The following LEPR variants were observed in gnomAD, a reference collection of about 807,000 sequenced individuals.
LEPR encodes leptin receptor.
Under a neutral mutation model 114.7 loss-of-function variants are expected in LEPR, and 56 were observed. The observed-to-expected ratio is 0.49, with a 90% CI of 0.39 to 0.61. The LOEUF (loss-of-function observed/expected upper bound fraction) is 0.61. LEPR is among the 20% of genes least tolerant of loss of function. LEPR has a pLI of 0.00. For missense variants in LEPR, 1,202 were observed against 1,352.9 expected (o/e 0.89, Z 1.75); for synonymous variants, 443 against 461.4 (o/e 0.96, Z 0.51).
At chr1:65,434,835 TCTC>T in intron 2 of LEPR, 2 of 985,408 alleles carry the variant, frequency 2.0e-6, no homozygotes, top group East Asian at 2.3e-4. Flanking sequence ...CACCCACCCT[TCTC>T]CTCCCATTAG....
At chr1:65,625,969 T>C (rs1012696768) in intron 19 of LEPR, among the ~76,000 whole-genome samples, 1 of 150,352 alleles carries the variant, frequency 6.7e-6, no homozygotes, top group African/African-American at 2.4e-5. Context: ...AAAAAGAGGC[T>C]GAAACACTCT....
intron 8 of LEPR, 39 bp downstream of exon 8, chr1:65,598,843 A>G: frequency 6.2e-7 from 1 of 1,612,336 alleles, no homozygotes; most frequent in South Asian, 1.1e-5. Flanking sequence ...GGAGGGAAAT[A>G]TATTTCCTGA....
At chr1:65,619,380 A>T (rs1657736187) in intron 16 of LEPR, among the ~76,000 whole-genome samples, 2 of 152,046 alleles carry the variant, frequency 1.3e-5, no homozygotes, top group African/African-American at 4.8e-5. Context: ...ATCCATCTGG[A>T]GCTTTGCTAT....
At chr1:65,572,026 G>A (rs954420047) in intron 4 of LEPR, among the ~76,000 whole-genome samples, 2 of 149,780 alleles carry the variant, frequency 1.3e-5, no homozygotes, top group Admixed American at 6.7e-5. Flanking sequence ...AGCTAGGTGA[G>A]TTTTGAGCTC....
intron 2 of LEPR, among the ~76,000 whole-genome samples, chr1:65,555,504 A>G (rs1318798110): frequency 6.6e-6 from 1 of 152,204 alleles, no homozygotes; most frequent in Non-Finnish European, 1.5e-5. Context: ...AGCACATATT[A>G]TTAAACTGTT....
chr1:65,451,211 C>T (rs919852367), intron 2 of LEPR, among the ~76,000 whole-genome samples: 27 of 151,974 alleles, frequency 1.8e-4, no homozygotes, highest in African/African-American at 6.3e-4. Flanking sequence ...CGAAAATTTT[C>T]TCTCATTTTG....
At chr1:65,628,231 TC>T (rs1357818247) in intron 19 of LEPR, among the ~76,000 whole-genome samples, 1 of 152,194 alleles carries the variant, frequency 6.6e-6, no homozygotes, top group Admixed American at 6.5e-5. Flanking sequence ...ATGTTCCACT[TC>T]CTTTTCTCTT....
At chr1:65,497,315 T>C (rs1648216032) in intron 2 of LEPR, among the ~76,000 whole-genome samples, 1 of 152,102 alleles carries the variant, frequency 6.6e-6, no homozygotes, top group South Asian at 2.1e-4. Flanking sequence ...CTTTATAATA[T>C]CCATTCTTTG....
rs549826053 is a variant in LEPR, at chr1:65,530,687, T to C, written c.-20-34859T>C. Among the ~76,000 whole-genome samples the C allele has an allele frequency of 8.5e-5, 13 of 152,234 alleles. No homozygotes were observed. The South Asian group carries it at 2.7e-3, about 32-fold the overall frequency. On this transcript the variant is annotated intron_variant, in intron 2 of 19. Transcript: ENST00000349533. ...TTGATTTTGGTGGGTTTTGGCCATC[T>C]TTTTTACTGCAACCTGTTTTATCAG...
At position 65,634,729 on chromosome 1, in the gene LEPR, T is replaced by C. The variant is rs1026047206; in HGVS notation, c.2674-1462T>C. 2.8e-5 allele frequency: 26 copies of C among 930,618 alleles called. No homozygotes were observed. In the African/African-American group the frequency reaches 3.8e-4, roughly 13 times the overall value. The allele number at this position is 930,618 out of a possible 1,614,324, so 57.6% of individuals were successfully genotyped here. ...TTGTATGTATTCCTTGTTTTCATAT[T>C]GATAGCATCTAATTCTTTTGACAAT... On this transcript the variant is annotated intron_variant, in intron 19 of 19. Coordinates refer to ENST00000349533, the MANE Select transcript of LEPR (RefSeq NM_002303.6).
rs2100968779 is a variant in LEPR at position 65,610,074 on chromosome 1, A to G, written c.1880A>G (p.Asn627Ser). 6.2e-7 allele frequency: 1 copy of G among 1,614,224 alleles called. No homozygotes were observed. The highest frequency in any genetic ancestry group is 8.5e-7 in the Non-Finnish European group (1 of 1,180,022). Residue 627 changes from asparagine to serine, a missense_variant, in exon 13 of 20, where the codon AAT becomes AGT. Coordinates refer to ENST00000349533, the MANE Select transcript of LEPR (RefSeq NM_002303.6). ...DGLGYWSNWS[N>S]PAYTVVMDIK... ...CTGGGATATTGGAGTAATTGGAGCA[A>G]TCCAGCCTACACAGTTGTCATGGAT...
intron 2 of LEPR, among the ~76,000 whole-genome samples, chr1:65,522,395 ACT>A (rs1393268077): frequency 6.6e-6 from 1 of 151,820 alleles, no homozygotes; most frequent in African/African-American, 2.4e-5. Flanking sequence ...TCATATTCCA[ACT>A]CTCTGGCCAC....
chr1:65,614,618 G>A (rs76387625), intron 14 of LEPR, among the ~76,000 whole-genome samples: 2,480 of 152,296 alleles, frequency 0.016, 68 homozygotes, highest in African/African-American at 0.057. Context: ...AATGGATGGT[G>A]GATGGTGGGA....
chr1:65,448,355 C>T (rs2100311466), intron 2 of LEPR, among the ~76,000 whole-genome samples: 1 of 152,288 alleles, frequency 6.6e-6, no homozygotes, highest in Middle Eastern at 3.4e-3. Context: ...ACCAGCTTTG[C>T]ATATCTGGGA....
intron 2 of LEPR, among the ~76,000 whole-genome samples, chr1:65,522,310 C>T (rs1649673973): frequency 6.6e-6 from 1 of 152,152 alleles, no homozygotes; most frequent in Non-Finnish European, 1.5e-5. Context: ...TCACCCTCCT[C>T]ATATCCCCCA....
At position 65,431,667 on chromosome 1, in the gene LEPR, C is replaced by T. The variant is rs1053947252; in HGVS notation, c.-21+6289C>T. 5.0e-6 allele frequency: 4 copies of T among 799,332 alleles called. No homozygotes were observed. In the African/African-American group the frequency reaches 6.9e-5, roughly 14 times the overall value. 49.5% of individuals were successfully genotyped at this position (799,332 alleles called of 1,614,324 possible). ...CTCATTACTGAACAGTTCATTGTCT[C>T]CTGTTACATTATTAAGCCTTTTAGC... On this transcript the variant is annotated intron_variant, in intron 2 of 19. Transcript: ENST00000349533.
At chr1:65,505,553 G>A (rs995077256) in intron 2 of LEPR, among the ~76,000 whole-genome samples, 4 of 152,076 alleles carry the variant, frequency 2.6e-5, no homozygotes, top group African/African-American at 9.7e-5. Flanking sequence ...CAAGATGGAG[G>A]AGACAGGTAT....
chr1:65,592,537 T>A, intron 5 of LEPR, 120 bp from the exon 6 acceptor site: 1 of 959,288 alleles, frequency 1.0e-6, no homozygotes, highest in Non-Finnish European at 1.5e-6. Flanking sequence ...TTTTTTCAGA[T>A]ACCCTTTAAG....
intron 2 of LEPR, among the ~76,000 whole-genome samples, chr1:65,445,989 G>T (rs9436748): frequency 0.33 from 49,940 of 152,006 alleles, 9,299 homozygotes; most frequent in Non-Finnish European, 0.42. Context: ...ACTAAGAAAA[G>T]TATTGTCATC....
Sources: gnomAD v4.1 joint callset for allele counts (sites outside exome capture counted in the v4.1 genomes callset) on GRCh38, gnomAD v4.1.1 for gene constraint, MANE v1.5 for transcripts, NCBI Gene and HGNC (gene_info 2026-07-23, HGNC 2026-07-21) for gene names.